HOTAIR: variants seen among roughly 807,000 people sequenced by gnomAD.
The protein encoded by HOTAIR is HOX transcript antisense RNA (non-protein coding).
intron 3 of HOTAIR, among the ~76,000 whole-genome samples, chr12:53,966,868 C>A (rs913657098): frequency 6.6e-6 from 1 of 152,190 alleles, no homozygotes; most frequent in African/African-American, 2.4e-5. Flanking sequence ...GCCGCGACAG[C>A]CTTTGGCGGT....
intron 1 of HOTAIR, among the ~76,000 whole-genome samples, chr12:53,974,666 G>A (rs1032697991): frequency 6.6e-6 from 1 of 151,460 alleles, no homozygotes; most frequent in Admixed American, 6.6e-5. Context: ...CGGGCTTCCC[G>A]GGGCGCCAGG....
intron 5 of HOTAIR, among the ~76,000 whole-genome samples, chr12:53,965,298 C>A (rs1273320493): frequency 6.6e-6 from 1 of 152,238 alleles, no homozygotes; most frequent in East Asian, 1.9e-4. Flanking sequence ...CATGCCCCCC[C>A]AGCCTGAGGC....
Position 53,973,450 on chromosome 12 carries a change from T to A in HOTAIR, n.59+1448A>T, listed in dbSNP as rs757448481. The A allele has an allele frequency of 6.2e-7, 1 of 1,613,830 alleles. No homozygotes were observed. The highest frequency in any genetic ancestry group is 2.2e-5 in the East Asian group (1 of 44,864). The stretch of plus-strand genomic sequence containing the variant: ...CCCTACTCGGCCCAAGTGCCCCCGG[T>A]CCGGGAGGTCTCCTACGGCCTGGAG... On this transcript the variant is annotated intron_variant and non_coding_transcript_variant, in intron 1 of 6. Coordinates refer to ENST00000424518, the Ensembl canonical transcript of HOTAIR. The surrounding 1 kb of genome is among the most constrained non-coding windows in gnomAD (Gnocchi z 4.3).
intron 5 of HOTAIR, among the ~76,000 whole-genome samples, chr12:53,965,311 T>C (rs528255707): frequency 6.6e-6 from 1 of 152,356 alleles, no homozygotes; most frequent in South Asian, 2.1e-4. Context: ...CCTGAGGCTT[T>C]GCTCTCAGTC....
At chr12:53,969,129 C>T (rs991163617) in intron 1 of HOTAIR, among the ~76,000 whole-genome samples, 16 of 152,178 alleles carry the variant, frequency 1.1e-4, no homozygotes, top group African/African-American at 3.9e-4. Context: ...CAGGGCAATC[C>T]CACCCAGAAA....
intron 1 of HOTAIR, among the ~76,000 whole-genome samples, chr12:53,974,344 G>A (rs994126152): frequency 2.6e-5 from 4 of 151,854 alleles, no homozygotes; most frequent in Admixed American, 1.3e-4. Context: ...GAAAGGGGAG[G>A]GCGAGGGAAA....
chr12:53,965,617 G>A (rs1341506041), intron 5 of HOTAIR, among the ~76,000 whole-genome samples: 1 of 152,156 alleles, frequency 6.6e-6, no homozygotes, highest in African/African-American at 2.4e-5. Flanking sequence ...GGAAGAGAGA[G>A]AAAGAGATCA....
chr12:53,967,957 C>T (rs1939085312), intron 2 of HOTAIR: 1 of 152,188 alleles, frequency 6.6e-6, no homozygotes, highest in African/African-American at 2.4e-5. Context: ...AGGTATCACC[C>T]AAAACCATTT....
chr12:53,972,292 T>A (rs1939160856), intron 1 of HOTAIR, among the ~76,000 whole-genome samples: 1 of 152,214 alleles, frequency 6.6e-6, no homozygotes, highest in Non-Finnish European at 1.5e-5. Flanking sequence ...CCACAGTGGA[T>A]GTAGCTTTCT....
In HOTAIR at chr12:53,973,607, C is replaced by T. The variant is rs1332622180; in HGVS notation, n.59+1291G>A. 50 of 1,613,552 alleles carry T rather than the reference C, an allele frequency of 3.1e-5. No homozygotes were observed. Among genetic ancestry groups the T allele is most frequent in the Non-Finnish European group, 4.2e-5 (50 of 1,180,032 alleles). ...TCATGAAAAACGAAGGCTCCTACGG[C>T]GGCCACCACCACCCCAGCGCCCCGC... is the stretch of plus-strand genomic sequence containing the variant. On this transcript the variant is annotated intron_variant and non_coding_transcript_variant, in intron 1 of 6. Transcript: ENST00000424518. The surrounding 1 kb of genome is among the most constrained non-coding windows in gnomAD (Gnocchi z 4.3).
Position 53,973,567 on chromosome 12 carries a change from C to G in HOTAIR, n.59+1331G>C. The stretch of plus-strand genomic sequence containing the variant: ...CACCGGGAGTGCCTGCCTCCTTCCA[C>G]CGTCACCGAGATCCTCATGAAAAAC... On this transcript the variant is annotated intron_variant and non_coding_transcript_variant, in intron 1 of 6. Coordinates refer to ENST00000424518, the Ensembl canonical transcript of HOTAIR. The surrounding 1 kb of genome is among the most constrained non-coding windows in gnomAD (Gnocchi z 4.3). 1 of 1,613,256 alleles carries G rather than the reference C, an allele frequency of 6.2e-7. No homozygotes were observed. Among genetic ancestry groups the G allele is most frequent in the Admixed American group, 1.7e-5 (1 of 60,032 alleles).
intron 1 of HOTAIR, among the ~76,000 whole-genome samples, chr12:53,970,541 C>G (rs1443393643): frequency 6.6e-6 from 1 of 152,098 alleles, no homozygotes; most frequent in East Asian, 1.9e-4. Flanking sequence ...TGTTGAAAAA[C>G]TAAGCCATAT....
exon 1 of HOTAIR, chr12:53,974,931 A>C: frequency 2.0e-6 from 1 of 495,746 alleles, no homozygotes; most frequent in South Asian, 2.7e-5. Context: ...AGACCCTGTC[A>C]GCCGCGGCTC....
intron 1 of HOTAIR, among the ~76,000 whole-genome samples, chr12:53,970,242 T>G (rs937945165): frequency 6.6e-6 from 1 of 152,082 alleles, no homozygotes; most frequent in African/African-American, 2.4e-5. Flanking sequence ...CCAGATAAGA[T>G]ACAAATAAGC....
chr12:53,971,231 T>A (rs1477764569), intron 1 of HOTAIR, among the ~76,000 whole-genome samples: 2 of 152,166 alleles, frequency 1.3e-5, no homozygotes, highest in African/African-American at 4.8e-5. Context: ...AAAGCCCCAA[T>A]CTAGTTCTTC....
chr12:53,971,927 G>A (rs1460912001), intron 1 of HOTAIR, among the ~76,000 whole-genome samples: 1 of 152,236 alleles, frequency 6.6e-6, no homozygotes, highest in Non-Finnish European at 1.5e-5. Flanking sequence ...CTGAGAAATA[G>A]GAAGGAGGCA....
At position 53,973,693 on chromosome 12, in the gene HOTAIR, T is replaced by C. The variant is rs1172293823; in HGVS notation, n.59+1205A>G. On this transcript the variant is annotated intron_variant and non_coding_transcript_variant, in intron 1 of 6. Transcript: ENST00000424518. This position sits in a 1 kb window ranked among gnomAD's most constrained non-coding sequence, Gnocchi z 4.3. ...AAGAACAGCGTCCTGCCTCAAGCCT[T>C]CGACCGTTTCTTCGACAACGCCTAC... 6.2e-7 allele frequency: 1 copy of C among 1,613,494 alleles called. No individual in the cohort carries two copies. Among genetic ancestry groups the C allele is most frequent in the Non-Finnish European group, 8.5e-7 (1 of 1,180,034 alleles).
intron 1 of HOTAIR, among the ~76,000 whole-genome samples, chr12:53,972,807 C>A (rs1939169523): frequency 6.6e-6 from 1 of 152,102 alleles, no homozygotes; most frequent in East Asian, 1.9e-4. Flanking sequence ...TGAGAGCCCT[C>A]CTCCTTCCCC....
At position 53,973,939 on chromosome 12, in the gene HOTAIR, CGG is replaced by C. The variant is rs1024935682; in HGVS notation, n.59+957_59+958del. The C allele has an allele frequency of 7.0e-7, 1 of 1,425,966 alleles. No homozygotes were observed. The highest frequency in any genetic ancestry group is 2.6e-5 in the East Asian group (1 of 37,880). 88.3% of individuals were successfully genotyped at this position (1,425,966 alleles called of 1,614,324 possible). ...GCCGCCCCCAGTAGGTAGCAGCGGC[CGG>C]GGAACGGGCGGGCAGCGAGGGAGGG... is the stretch of plus-strand genomic sequence containing the variant. On this transcript the variant is annotated intron_variant and non_coding_transcript_variant, in intron 1 of 6. Transcript: ENST00000424518. This position sits in a 1 kb window ranked among gnomAD's most constrained non-coding sequence, Gnocchi z 4.3.
Sources: allele counts gnomAD v4.1 joint callset (sites outside exome capture counted in the v4.1 genomes callset), GRCh38; gene constraint gnomAD v4.1.1; non-coding constraint Gnocchi (gnomAD v3.1); transcripts MANE v1.5; gene names NCBI Gene and HGNC (gene_info 2026-07-23, HGNC 2026-07-21).